Variants in ACTA2 observed in about 807,000 individuals in gnomAD.
ACTA2 encodes actin, aortic smooth muscle.
Under a neutral mutation model 39.5 loss-of-function variants are expected in ACTA2, and 12 were observed. The ratio of observed to expected loss-of-function variants is 0.30; its 90% CI spans 0.19 to 0.49. ACTA2 has a LOEUF of 0.49. Ranked by LOEUF, ACTA2 falls within the 20% of genes least tolerant of loss-of-function variation. The pLI, the probability that ACTA2 is intolerant of heterozygous loss-of-function variation, is 0.99. For missense variants in ACTA2, 236 were observed against 498.8 expected (o/e 0.47, Z 5.02); for synonymous variants, 158 against 180.6 (o/e 0.88, Z 1.00).
intron 6 of ACTA2, chr10:88,940,907 T>C: frequency 8.3e-6 from 3 of 359,782 alleles, no homozygotes; most frequent in Non-Finnish European, 1.6e-5. Context: ...CAATGTCTCC[T>C]GCCAATCACC....
chr10:88,937,344 G>A (rs1845761604), intron 8 of ACTA2, among the ~76,000 whole-genome samples: 1 of 152,206 alleles, frequency 6.6e-6, no homozygotes, highest in African/African-American at 2.4e-5. Context: ...ACATGGGTCA[G>A]AGGGTCCCAA....
At chr10:88,960,265 C>T (rs1337471191) in intron 1 of ACTA2, among the ~76,000 whole-genome samples, 1 of 152,132 alleles carries the variant, frequency 6.6e-6, no homozygotes, top group Non-Finnish European at 1.5e-5. Flanking sequence ...TTGGGAATCA[C>T]TCAGACAAAC....
At chr10:88,951,627 CCTGAA>C (rs1846051840) in intron 1 of ACTA2, among the ~76,000 whole-genome samples, 1 of 152,176 alleles carries the variant, frequency 6.6e-6, no homozygotes, top group South Asian at 2.1e-4. Context: ...TCCTCTCTAA[CCTGAA>C]TGAGCAGTTC....
chr10:88,935,295 G>C lies in ACTA2; in HGVS notation c.1062C>G (p.Phe354Leu). The change falls in exon 9 of 9, where the codon TTC becomes TTG. Residue 354 changes from phenylalanine to leucine, a missense_variant. Coordinates refer to ENST00000224784, the MANE Select transcript of ACTA2 (RefSeq NM_001613.4). ...CCTGTTTGCTGATCCACATCTGCTG[G>C]AAGGTGGACAGAGAGGCCAGGATGG... ...GGSILASLST[F>L]QQMWISKQEY... 6.2e-7 allele frequency: 1 copy of C among 1,614,008 alleles called. No individual in the cohort carries two copies. Among genetic ancestry groups the C allele is most frequent in the Non-Finnish European group, 8.5e-7 (1 of 1,179,882 alleles).
rs1455512445 is a variant in ACTA2 at position 88,947,403 on chromosome 10, CATT to C, written c.130-20_130-18del. 6.2e-7 allele frequency: 1 copy of C among 1,613,492 alleles called. No individual in the cohort carries two copies. Among genetic ancestry groups the C allele is most frequent in the Non-Finnish European group, 8.5e-7 (1 of 1,179,770 alleles). On this transcript the variant is annotated intron_variant, in intron 2 of 8. Transcript: ENST00000224784. ...CATCACCCCCTAAAAAGGTTCAACA[CATT>C]ATGAGTCAGCATCTCCCAAAACTTG... is the stretch of plus-strand genomic sequence containing the variant.
intron 3 of ACTA2, chr10:88,946,699 T>G (rs1016928516): frequency 6.6e-6 from 1 of 152,250 alleles, no homozygotes; most frequent in African/African-American, 2.4e-5. Context: ...GCAAGGGATT[T>G]TTTTTTAAAG....
chr10:88,948,736 G>C, intron 2 of ACTA2, 66 bp downstream of exon 2: 1 of 1,603,856 alleles, frequency 6.2e-7, no homozygotes, highest in Non-Finnish European at 8.5e-7. Context: ...GACAATCTGG[G>C]GATAAACATG....
At chr10:88,954,086 A>T (rs949902531), upstream of ACTA2, among the ~76,000 whole-genome samples, 2 of 152,182 alleles carry the variant, frequency 1.3e-5, no homozygotes, top group Non-Finnish European at 2.9e-5. Context: ...GTTCTCACTA[A>T]ACTCATAAAG....
rs1168837558 is a variant in ACTA2, at chr10:88,990,610, ATCC to A, written c.-24+326_-24+328del. On this transcript the variant is annotated intron_variant, in intron 1 of 4. Coordinates refer to the ACTA2 transcript ENST00000415557. The surrounding 1 kb of genome is among the most constrained non-coding windows in gnomAD (Gnocchi z 4.9). Reference sequence around the variant, plus strand: ...CGTTCCCCAGCGAGGCTTCCTTCCCATCCTCCTGACCACCGGGGCTTTTCGTGA... The same window carrying A: ...CGTTCCCCAGCGAGGCTTCCTTCCCATCCTGACCACCGGGGCTTTTCGTGA... 3 of 683,890 alleles carry A rather than the reference ATCC, an allele frequency of 4.4e-6. No homozygotes were observed. Among genetic ancestry groups the A allele is most frequent in the South Asian group, 3.0e-5 (2 of 66,508 alleles). 42.4% of individuals were successfully genotyped at this position (683,890 alleles called of 1,614,324 possible).
At chr10:88,936,386 C>T (rs957719337) in intron 8 of ACTA2, among the ~76,000 whole-genome samples, 1 of 152,166 alleles carries the variant, frequency 6.6e-6, no homozygotes, top group African/African-American at 2.4e-5. Context: ...TGGATATCTC[C>T]TCCAAATCTC....
intron 1 of ACTA2, among the ~76,000 whole-genome samples, chr10:88,950,282 A>C (rs1846025955): frequency 6.6e-6 from 1 of 152,222 alleles, no homozygotes; most frequent in African/African-American, 2.4e-5. Flanking sequence ...TTGAGATCTC[A>C]ATTAGGATTT....
At position 88,941,544 on chromosome 10, in the gene ACTA2, A is replaced by G. The variant is rs142963257; in HGVS notation, c.455-154T>C. Among the ~76,000 whole-genome samples the G allele has an allele frequency of 4.2e-3, 632 of 152,288 alleles. 13 individuals are homozygous for G. The highest frequency in any genetic ancestry group is 0.015 in the East Asian group (79 of 5,180). Reference sequence around the variant, plus strand: ...TGTGATAGGAGAGGTGAGGTGGGACAGGGCTCGGGGAAGATGAAAAAAAGT... The same window carrying G: ...TGTGATAGGAGAGGTGAGGTGGGACGGGGCTCGGGGAAGATGAAAAAAAGT... On this transcript the variant is annotated intron_variant, in intron 5 of 8. Coordinates refer to ENST00000224784, the MANE Select transcript of ACTA2 (RefSeq NM_001613.4).
At chr10:88,975,492 C>T (rs144676112) in intron 1 of ACTA2, among the ~76,000 whole-genome samples, 131 of 152,136 alleles carry the variant, frequency 8.6e-4, no homozygotes, top group African/African-American at 2.7e-3. Context: ...TTCTCCAATA[C>T]GTAAAGAATC....
At chr10:88,980,832 T>C (rs1038917219) in intron 1 of ACTA2, among the ~76,000 whole-genome samples, 4 of 152,208 alleles carry the variant, frequency 2.6e-5, no homozygotes, top group African/African-American at 9.7e-5. Flanking sequence ...TTATCTGATA[T>C]GTAAATTTAA....
chr10:88,968,981 C>T (rs1049681067), intron 1 of ACTA2, among the ~76,000 whole-genome samples: 6 of 152,028 alleles, frequency 3.9e-5, no homozygotes, highest in African/African-American at 1.2e-4. Flanking sequence ...CAACCCCCAC[C>T]CCGCAATACT....
chr10:88,940,856 C>G, intron 6 of ACTA2: 1 of 321,414 alleles, frequency 3.1e-6, no homozygotes, highest in Non-Finnish European at 6.2e-6. Context: ...TCCAAGCTCA[C>G]AGAGCTACTG....
intron 1 of ACTA2, among the ~76,000 whole-genome samples, chr10:88,965,043 CT>C (rs1207081638): frequency 6.6e-6 from 1 of 152,142 alleles, no homozygotes; most frequent in African/African-American, 2.4e-5. Flanking sequence ...CCCTTTTCTT[CT>C]TCTGCCAAAT....
At chr10:88,962,048 G>T (rs1564653102) in intron 1 of ACTA2, among the ~76,000 whole-genome samples, 1 of 152,084 alleles carries the variant, frequency 6.6e-6, no homozygotes, top group Non-Finnish European at 1.5e-5. Flanking sequence ...GCCTATTGGG[G>T]CAAGGATGAC....
At chr10:88,938,717 A>G (rs1203164496) in intron 7 of ACTA2, among the ~76,000 whole-genome samples, 1 of 123,980 alleles carries the variant, frequency 8.1e-6, no homozygotes, top group African/African-American at 3.2e-5. Context: ...TCATTTTTCC[A>G]ATCTTGCTAA....
Sources: gnomAD v4.1 joint callset for allele counts (sites outside exome capture counted in the v4.1 genomes callset) on GRCh38, gnomAD v4.1.1 for gene constraint, Gnocchi (gnomAD v3.1) non-coding constraint, MANE v1.5 for transcripts, NCBI Gene and HGNC (gene_info 2026-07-23, HGNC 2026-07-21) for gene names.